Variants in IL1RAP observed in about 807,000 individuals in gnomAD.
IL1RAP encodes interleukin 1 receptor accessory protein.
Under a neutral mutation model 60.7 loss-of-function variants are expected in IL1RAP, and 35 were observed. The ratio of observed to expected loss-of-function variants is 0.58; its 90% CI spans 0.44 to 0.76. The LOEUF (loss-of-function observed/expected upper bound fraction) is 0.76. Among genes scored for constraint, IL1RAP ranks in the 30% least tolerant of loss-of-function variants. IL1RAP has a pLI of 0.00. For missense variants in IL1RAP, 572 were observed against 693.9 expected (o/e 0.82, Z 1.97); for synonymous variants, 268 against 250.9 (o/e 1.07, Z -0.64).
At chr3:190,592,739 G>T (rs1729052029) in intron 3 of IL1RAP, among the ~76,000 whole-genome samples, 1 of 152,130 alleles carries the variant, frequency 6.6e-6, no homozygotes, top group African/African-American at 2.4e-5. Context: ...TTTTAGATTT[G>T]ATTTTATAAC....
exon 12 of IL1RAP, chr3:190,659,200 T>A (rs767755342): frequency 1.3e-5 from 2 of 152,218 alleles, no homozygotes; most frequent in Non-Finnish European, 2.9e-5. Flanking sequence ...TTATTTTCTG[T>A]TTTAGTGAAG....
exon 12 of IL1RAP, chr3:190,656,668 G>C: frequency 1.0e-6 from 1 of 992,022 alleles, no homozygotes; most frequent in Non-Finnish European, 1.4e-6. Context: ...TCATGAACCT[G>C]TGGGAAAATC....
At chr3:190,524,256 C>A (rs1722322843) in intron 1 of IL1RAP, among the ~76,000 whole-genome samples, 1 of 152,068 alleles carries the variant, frequency 6.6e-6, no homozygotes, top group Non-Finnish European at 1.5e-5. Context: ...GGATATTAGA[C>A]CTTTGTCAGA....
At chr3:190,653,649 A>G (rs1005773240), downstream of IL1RAP, among the ~76,000 whole-genome samples, 5 of 152,154 alleles carry the variant, frequency 3.3e-5, no homozygotes, top group African/African-American at 9.7e-5. Flanking sequence ...ATTCTTGAGT[A>G]TTGAAGAGTT....
chr3:190,517,384 CT>C (rs1056094226), intron 1 of IL1RAP, among the ~76,000 whole-genome samples: 54 of 149,866 alleles, frequency 3.6e-4, no homozygotes, highest in African/African-American at 9.8e-4. Flanking sequence ...CATTATTCAA[CT>C]TTTTTTTTTG....
chr3:190,576,341 AG>A (rs1305499335), intron 3 of IL1RAP, among the ~76,000 whole-genome samples: 2 of 151,812 alleles, frequency 1.3e-5, no homozygotes, highest in African/African-American at 4.8e-5. Flanking sequence ...CATATGGCAA[AG>A]GGTTAATGTC....
intron 1 of IL1RAP, among the ~76,000 whole-genome samples, chr3:190,535,546 A>G (rs1316892091): frequency 1.3e-5 from 2 of 152,140 alleles, no homozygotes; most frequent in Admixed American, 1.3e-4. Context: ...ATTAACTACG[A>G]CTTATAACTC....
rs1024947 is a variant in IL1RAP, at chr3:190,629,889, C to T, written c.1051+391C>T. 132 of 975,204 alleles carry T rather than the reference C, an allele frequency of 1.4e-4. 1 individual carries two copies. The South Asian group carries it at 4.6e-3, about 34-fold the overall frequency. 60.4% of individuals were successfully genotyped at this position (975,204 alleles called of 1,614,324 possible). A position where few individuals can be genotyped will look rare whatever the true frequency, so the allele number is the denominator to read the frequency against. On this transcript the variant is annotated intron_variant, in intron 9 of 11. Transcript: ENST00000447382. ...CCTTTTAAAAATCATTCATGGTAGA[C>T]TTCAAGAGTCATAAAAAAGATTGCA...
intron 9 of IL1RAP, among the ~76,000 whole-genome samples, chr3:190,634,350 G>C (rs928934442): frequency 6.7e-6 from 1 of 148,810 alleles, no homozygotes; most frequent in African/African-American, 2.5e-5. Flanking sequence ...GTACAGTGGC[G>C]CGATCTCGGC....
intron 1 of IL1RAP, among the ~76,000 whole-genome samples, chr3:190,533,870 G>A (rs1010449102): frequency 6.6e-6 from 1 of 152,140 alleles, no homozygotes; most frequent in Admixed American, 6.5e-5. Context: ...CAGCATATGA[G>A]AAAGTATCTT....
chr3:190,566,823 A>G (rs1206339870), intron 3 of IL1RAP, among the ~76,000 whole-genome samples: 1 of 152,172 alleles, frequency 6.6e-6, no homozygotes, highest in East Asian at 1.9e-4. Flanking sequence ...GCGCATCTTG[A>G]GGGATCAACC....
chr3:190,612,520 A>G (rs1730908139), intron 5 of IL1RAP, among the ~76,000 whole-genome samples: 1 of 152,140 alleles, frequency 6.6e-6, no homozygotes, highest in Non-Finnish European at 1.5e-5. Context: ...TCCAGCTGGA[A>G]ATCATATTTC....
rs960247978 is a variant in IL1RAP, at chr3:190,649,815, G to C, written c.*1110G>C. 2.0e-6 allele frequency: 2 copies of C among 985,168 alleles called. No homozygotes were observed. Among genetic ancestry groups the C allele is most frequent in the African/African-American group, 3.5e-5 (2 of 57,222 alleles). 61.0% of individuals were successfully genotyped at this position (985,168 alleles called of 1,614,324 possible). A position where few individuals can be genotyped will look rare whatever the true frequency, so the allele number is the denominator to read the frequency against. ...ACTTGCTCCAAATAAGTCAGTATGA[G>C]AAGTCACTGTCAATGAAAGTTGTTT... On this transcript the variant is annotated 3_prime_UTR_variant, in exon 12 of 12. Coordinates refer to ENST00000447382, the MANE Select transcript of IL1RAP (RefSeq NM_002182.4).
intron 5 of IL1RAP, among the ~76,000 whole-genome samples, chr3:190,610,711 A>C (rs1730748521): frequency 6.6e-6 from 1 of 152,202 alleles, no homozygotes; most frequent in Non-Finnish European, 1.5e-5. Context: ...AATTTGGCAG[A>C]ACTCCCGAGA....
chr3:190,637,843 T>A (rs549944418), intron 9 of IL1RAP, among the ~76,000 whole-genome samples: 82 of 151,872 alleles, frequency 5.4e-4, no homozygotes, highest in Middle Eastern at 3.4e-3. Flanking sequence ...GTTTTTTTTT[T>A]ATATATTCTA....
chr3:190,534,825 A>G (rs557789127), intron 1 of IL1RAP, among the ~76,000 whole-genome samples: 1 of 151,778 alleles, frequency 6.6e-6, no homozygotes, highest in Non-Finnish European at 1.5e-5. Flanking sequence ...TACTTCCCAA[A>G]TAGTGTTCCA....
intron 1 of IL1RAP, among the ~76,000 whole-genome samples, chr3:190,534,931 A>AAAAG (rs1553828440): frequency 5.9e-4 from 83 of 141,628 alleles, no homozygotes; most frequent in South Asian, 8.9e-4. Context: ...AAAAAAAAAA[A>AAAAG]AAAGAAAACC....
At chr3:190,537,421 A>T (rs1243599189) in intron 1 of IL1RAP, among the ~76,000 whole-genome samples, 1 of 152,136 alleles carries the variant, frequency 6.6e-6, no homozygotes, top group East Asian at 1.9e-4. Flanking sequence ...CTTTGTCAAG[A>T]TATTACATTA....
intron 9 of IL1RAP, among the ~76,000 whole-genome samples, chr3:190,636,687 TTTATAC>T (rs760167996): frequency 6.6e-5 from 10 of 152,148 alleles, no homozygotes; most frequent in Non-Finnish European, 1.2e-4. Flanking sequence ...TCTTTATGCT[TTTATAC>T]TTATACTTTA....
Sources: gnomAD v4.1 joint callset for allele counts (sites outside exome capture counted in the v4.1 genomes callset) on GRCh38, gnomAD v4.1.1 for gene constraint, MANE v1.5 for transcripts, NCBI Gene and HGNC (gene_info 2026-07-23, HGNC 2026-07-21) for gene names.